Variants in POLK observed in about 807,000 individuals in gnomAD.
The protein encoded by POLK is polymerase (DNA directed) kappa.
In POLK, 76 loss-of-function variants were observed where a neutral mutation model predicts 94.0. The ratio of observed to expected loss-of-function variants is 0.81; its 90% confidence interval spans 0.67 to 0.98. The LOEUF is 0.98. Among genes scored for constraint, POLK ranks in the 50% least tolerant of loss-of-function variants. The pLI is 0.00. For missense variants in POLK, 954 were observed against 1,010.1 expected (o/e 0.94, Z 0.75); for synonymous variants, 349 against 325.4 (o/e 1.07, Z -0.78).
At chr5:75,535,735 G>A in intron 1 of POLK, among the ~76,000 whole-genome samples, 1 of 152,076 alleles carries the variant, frequency 6.6e-6, no homozygotes, top group South Asian at 2.1e-4. Flanking sequence ...TTACCTTGGT[G>A]GATTCTGCTG....
At chr5:75,516,318 T>A (rs1768319935) in intron 1 of POLK, among the ~76,000 whole-genome samples, 1 of 152,196 alleles carries the variant, frequency 6.6e-6, no homozygotes, top group Admixed American at 6.5e-5. Context: ...GAGTTGTGCC[T>A]CATGCCTATA....
chr5:75,596,846 C>T, exon 13 of POLK: 2 of 1,613,204 alleles, frequency 1.2e-6, no homozygotes, highest in Non-Finnish European at 1.7e-6. Context: ...AGCATAGATG[C>T]TTTAAGTAAT....
intron 2 of POLK, among the ~76,000 whole-genome samples, chr5:75,547,668 G>A (rs777027877): frequency 6.6e-6 from 1 of 152,108 alleles, no homozygotes. Context: ...GTATAACTGT[G>A]GAAGAGATTC....
At chr5:75,584,429 G>T (rs1419815472) in intron 8 of POLK, among the ~76,000 whole-genome samples, 1 of 152,178 alleles carries the variant, frequency 6.6e-6, no homozygotes, top group East Asian at 1.9e-4. Context: ...AGCACTTTGG[G>T]AGGCCAGGGT....
upstream of POLK, chr5:75,511,285 A>G (rs1767976339): frequency 1.3e-5 from 21 of 1,576,438 alleles, no homozygotes; most frequent in Non-Finnish European, 1.7e-5. Flanking sequence ...CCTCGGGGTG[A>G]AGGGTCGGGG....
chr5:75,555,662 C>T (rs1425801325), intron 3 of POLK, among the ~76,000 whole-genome samples: 1 of 151,952 alleles, frequency 6.6e-6, no homozygotes, highest in Admixed American at 6.6e-5. Context: ...GCTATTCTCC[C>T]TCGGCCTCCC....
At chr5:75,593,821 C>T (rs1772917467) in intron 11 of POLK, 57 bp from the exon 12 acceptor site, 1 of 1,097,010 alleles carries the variant, frequency 9.1e-7, no homozygotes, top group Non-Finnish European at 1.3e-6. Context: ...CCAGCATGGA[C>T]AACAGAGAGA....
intron 10 of POLK, among the ~76,000 whole-genome samples, chr5:75,587,806 G>T (rs1455262447): frequency 6.6e-6 from 1 of 152,114 alleles, no homozygotes; most frequent in Non-Finnish European, 1.5e-5. Context: ...TTTAATCCCA[G>T]CTACTTGGGT....
At chr5:75,544,623 C>CA (rs1769919580) in intron 1 of POLK, among the ~76,000 whole-genome samples, 1 of 151,832 alleles carries the variant, frequency 6.6e-6, no homozygotes, top group African/African-American at 2.4e-5. Flanking sequence ...GCCTGGGTGA[C>CA]AGAGTGAGAC....
At chr5:75,587,795 C>T (rs1157796783) in intron 10 of POLK, among the ~76,000 whole-genome samples, 1 of 152,052 alleles carries the variant, frequency 6.6e-6, no homozygotes, top group Non-Finnish European at 1.5e-5. Context: ...GTCGCTTAAA[C>T]TTTAATCCCA....
intron 1 of POLK, among the ~76,000 whole-genome samples, chr5:75,540,283 A>AT (rs1394796650): frequency 1.5e-3 from 216 of 143,302 alleles, no homozygotes; most frequent in Admixed American, 1.3e-3. Context: ...TTCTGTTGTA[A>AT]TTTTTTTTTT....
At chr5:75,603,938 G>A (rs1422940044), downstream of POLK, among the ~76,000 whole-genome samples, 2 of 152,132 alleles carry the variant, frequency 1.3e-5, no homozygotes, top group African/African-American at 4.8e-5. Flanking sequence ...CCCGATGTTG[G>A]TTTCTCCCTA....
chr5:75,607,926 G>A, the POLK span, among the ~76,000 whole-genome samples: 79 of 152,280 alleles, frequency 5.2e-4, 1 homozygote, highest in Non-Finnish European at 8.5e-4. Context: ...AGTCTAGGGA[G>A]AAATCGTCTG....
chr5:75,606,608 G>A, the POLK span, among the ~76,000 whole-genome samples: 2 of 148,760 alleles, frequency 1.3e-5, no homozygotes, highest in East Asian at 2.0e-4. Context: ...ATCCTGCACC[G>A]CCCTTAATCC....
downstream of POLK, among the ~76,000 whole-genome samples, chr5:75,601,503 G>A (rs963612686): frequency 6.6e-6 from 1 of 152,200 alleles, no homozygotes; most frequent in African/African-American, 2.4e-5. Context: ...GGCTCAAGAA[G>A]CAGATCCACC....
chr5:75,515,123 T>A (rs1245831187), intron 1 of POLK, among the ~76,000 whole-genome samples: 2 of 152,208 alleles, frequency 1.3e-5, no homozygotes, highest in Non-Finnish European at 2.9e-5. Flanking sequence ...AAATGATCTC[T>A]GGAGCCTCTT....
chr5:75,587,008 T>C lies in POLK; in HGVS notation c.1227-18T>C. 3.4e-6 allele frequency: 5 copies of C among 1,456,514 alleles called. No homozygotes were observed. The highest frequency in any genetic ancestry group is 4.7e-6 in the Non-Finnish European group (5 of 1,071,922). The allele number at this position is 1,456,514 out of a possible 1,614,324, so 90.2% of individuals were successfully genotyped here. ...ACTCAGTCTTTGAAAAATAAAGACC[T>C]TTTTTTTTCATTTCAAGGGATGGAG... On this transcript the variant is annotated intron_variant, in intron 9 of 14. Coordinates refer to ENST00000241436, the Ensembl canonical transcript of POLK.
chr5:75,551,598 G>A (rs1350575190), intron 2 of POLK, among the ~76,000 whole-genome samples: 2 of 152,036 alleles, frequency 1.3e-5, no homozygotes, highest in African/African-American at 4.8e-5. Context: ...ATGACTCTAG[G>A]CACATGAAAA....
chr5:75,511,512 G>A (rs1431500469), upstream of POLK: 12 of 1,474,804 alleles, frequency 8.1e-6, no homozygotes, highest in Non-Finnish European at 1.1e-5. Context: ...CCCCCTCGAT[G>A]CCAATTTCAA....
Sources: gnomAD v4.1 joint callset for allele counts (sites outside exome capture counted in the v4.1 genomes callset) on GRCh38, gnomAD v4.1.1 for gene constraint, MANE v1.5 for transcripts, NCBI Gene and HGNC (gene_info 2026-07-23, HGNC 2026-07-21) for gene names.